Variants in SHISA9 observed in about 807,000 individuals in gnomAD.
SHISA9 encodes the protein shisa family member 9.
Under a neutral mutation model 38.0 loss-of-function variants are expected in SHISA9, and 13 were observed. The observed-to-expected ratio is 0.34, with a 90% CI of 0.22 to 0.54. The LOEUF is 0.54. Among genes scored for constraint, SHISA9 ranks in the 20% least tolerant of loss-of-function variants. The pLI is 0.91. For missense variants in SHISA9, 538 were observed against 575.8 expected (o/e 0.93, Z 0.67); for synonymous variants, 275 against 242.0 (o/e 1.14, Z -1.27).
chr16:13,123,041 C>A (rs1380639370), intron 2 of SHISA9, among the ~76,000 whole-genome samples: 1 of 151,980 alleles, frequency 6.6e-6, no homozygotes, highest in Non-Finnish European at 1.5e-5. Context: ...AGCAAGACTC[C>A]ATCTCAAAAA....
chr16:13,215,497 C>T (rs1039477263), intron 4 of SHISA9, among the ~76,000 whole-genome samples: 1 of 152,166 alleles, frequency 6.6e-6, no homozygotes, highest in African/African-American at 2.4e-5. Flanking sequence ...TGACAGACCT[C>T]CTAATTTGAG....
chr16:13,358,560 C>T, the SHISA9 span, among the ~76,000 whole-genome samples: 1 of 152,194 alleles, frequency 6.6e-6, no homozygotes, highest in Non-Finnish European at 1.5e-5. Flanking sequence ...TCTATCTCTT[C>T]CCATTTCCTT....
At chr16:13,406,182 A>G in the SHISA9 span, among the ~76,000 whole-genome samples, 6 of 152,328 alleles carry the variant, frequency 3.9e-5, no homozygotes, top group African/African-American at 1.4e-4. Context: ...TTTTCCAAGC[A>G]TCTTTGGACA....
chr16:13,344,471 CT>C, the SHISA9 span, among the ~76,000 whole-genome samples: 1 of 142,542 alleles, frequency 7.0e-6, no homozygotes, highest in South Asian at 2.2e-4. Context: ...TTTCTTATTT[CT>C]GAGGGTTCTC....
At chr16:12,902,876 T>A in intron 1 of SHISA9, 4 of 429,838 alleles carry the variant, frequency 9.3e-6, no homozygotes, top group South Asian at 4.7e-5. Flanking sequence ...GTGACTCTGC[T>A]CCCTCACCCT....
At chr16:13,195,319 G>T (rs185349646) in intron 2 of SHISA9, among the ~76,000 whole-genome samples, 2 of 152,116 alleles carry the variant, frequency 1.3e-5, no homozygotes, top group Admixed American at 6.6e-5. Context: ...AATAGTTTCC[G>T]ATTCCCAAAT....
chr16:13,362,383 G>C, the SHISA9 span, among the ~76,000 whole-genome samples: 3 of 151,922 alleles, frequency 2.0e-5, no homozygotes, highest in African/African-American at 7.3e-5. Flanking sequence ...AGCAGTGATT[G>C]TGCCACTGCA....
intron 2 of SHISA9, among the ~76,000 whole-genome samples, chr16:13,068,758 ATGTG>A (rs561939725): frequency 6.9e-4 from 105 of 152,300 alleles, no homozygotes; most frequent in Non-Finnish European, 1.0e-3. Context: ...GTGTGCATTC[ATGTG>A]TGTATGTGTG....
chr16:13,307,163 C>T, the SHISA9 span, among the ~76,000 whole-genome samples: 1 of 152,200 alleles, frequency 6.6e-6, no homozygotes, highest in South Asian at 2.1e-4. Context: ...GTTTCAGTAT[C>T]TATCAAATGA....
At position 13,013,509 on chromosome 16, in the gene SHISA9, C is replaced by T. The variant is rs1415222042; in HGVS notation, c.691+96694C>T. Among the ~76,000 whole-genome samples the T allele has an allele frequency of 2.0e-5, 3 of 152,148 alleles. No individual in the cohort carries two copies. The East Asian group carries it at 5.8e-4, about 29-fold the overall frequency. ...CTCTAAGTTCCGCGTGGCTAGGGAT[C>T]ACGGTCAGTTTGCTCAGCCCATGCC... On this transcript the variant is annotated intron_variant, in intron 2 of 4. Transcript: ENST00000558583.
rs3075124 is a variant in SHISA9 at position 13,148,689 on chromosome 16, G to GCACACACACACACACA, written c.692-54690_692-54675dup. 6.0e-5 allele frequency among the ~76,000 whole-genome samples: 8 copies of GCACACACACACACACA among 132,540 alleles called. 1 individual carries two copies. The highest frequency in any genetic ancestry group is 7.5e-3 in the Middle Eastern group (2 of 268). The allele number at this position is 132,540 out of a possible 152,430, so 87.0% of individuals were successfully genotyped here. On this transcript the variant is annotated intron_variant, in intron 2 of 4. Transcript: ENST00000558583. Reference sequence around the variant, plus strand: ...TCCTCATTCTCTCACACATACACAAGCACACACACACACACACACACACAC... The same window carrying GCACACACACACACACA: ...TCCTCATTCTCTCACACATACACAAGCACACACACACACACACACACACACACACACACACACACAC...
At chr16:13,273,743 T>G in the SHISA9 span, among the ~76,000 whole-genome samples, 1 of 151,950 alleles carries the variant, frequency 6.6e-6, no homozygotes, top group Non-Finnish European at 1.5e-5. Flanking sequence ...TCAACAAGAG[T>G]AGTTTTACAA....
the SHISA9 span, among the ~76,000 whole-genome samples, chr16:13,370,159 G>A: frequency 6.6e-6 from 1 of 152,306 alleles, no homozygotes; most frequent in South Asian, 2.1e-4. Flanking sequence ...TTCCCGGGGT[G>A]CCACGACCAT....
At chr16:13,277,243 CT>C in the SHISA9 span, among the ~76,000 whole-genome samples, 1 of 151,976 alleles carries the variant, frequency 6.6e-6, no homozygotes, top group Non-Finnish European at 1.5e-5. Context: ...GAGTTTATTT[CT>C]AGGTTCTCTA....
At chr16:13,197,830 G>C (rs2050962586) in intron 2 of SHISA9, among the ~76,000 whole-genome samples, 2 of 152,190 alleles carry the variant, frequency 1.3e-5, no homozygotes, top group African/African-American at 4.8e-5. Context: ...GTCTAGAAGG[G>C]AACTTCTGAG....
intron 2 of SHISA9, among the ~76,000 whole-genome samples, chr16:13,199,034 G>C (rs1596724574): frequency 6.6e-6 from 1 of 152,178 alleles, no homozygotes; most frequent in South Asian, 2.1e-4. Flanking sequence ...TAATATAAAA[G>C]TGTGTCCCAA....
chr16:13,408,463 C>A, the SHISA9 span, among the ~76,000 whole-genome samples: 1 of 152,036 alleles, frequency 6.6e-6, no homozygotes, highest in Non-Finnish European at 1.5e-5. Context: ...CTTCATATGA[C>A]AATAATTTTG....
chr16:13,164,687 A>AT (rs1225542532), intron 2 of SHISA9, among the ~76,000 whole-genome samples: 1 of 152,006 alleles, frequency 6.6e-6, no homozygotes, highest in Non-Finnish European at 1.5e-5. Flanking sequence ...GATATGTTAC[A>AT]TTTTTCATTC....
chr16:13,297,822 T>A, the SHISA9 span, among the ~76,000 whole-genome samples: 1 of 152,186 alleles, frequency 6.6e-6, no homozygotes, highest in Non-Finnish European at 1.5e-5. Context: ...AATGGCACAA[T>A]CTCGGCTCAC....
Sources: allele counts gnomAD v4.1 joint callset (sites outside exome capture counted in the v4.1 genomes callset), GRCh38; gene constraint gnomAD v4.1.1; transcripts MANE v1.5; gene names NCBI Gene and HGNC (gene_info 2026-07-23, HGNC 2026-07-21).